The following CHD7 variants were observed in gnomAD, a reference collection of about 807,000 sequenced individuals.
CHD7 encodes the protein chromodomain helicase DNA binding protein 7, also known as ATP-dependent chromatin remodeler CHD7.
In CHD7, 24 loss-of-function variants were observed where a neutral mutation model predicts 307.3. The observed-to-expected ratio is 0.08, with a 90% CI of 0.06 to 0.11. The LOEUF is 0.11. Ranked by LOEUF, CHD7 falls within the 10% of genes least tolerant of loss-of-function variation. CHD7 has a pLI of 1.00. For missense variants in CHD7, 3,106 were observed against 3,727.1 expected, an observed-to-expected ratio of 0.83 and a Z score of 4.34; for synonymous variants, 1,363 against 1,349.9, an observed-to-expected ratio of 1.01 and a Z score of -0.21.
rs778892168 is a variant in CHD7, at chr8:60,853,386, G to A, written c.6661G>A (p.Val2221Ile). ...CTCTGTGAAAAATGAACTGAAAGGT[G>A]TTGAGGTCGGCGCAGACACTGGGTC... is the stretch of plus-strand genomic sequence containing the variant. The part of the protein sequence containing the change: ...ASSVKNELKG[V>I]EVGADTGSKS... Residue 2221 changes from valine to isoleucine, a missense_variant, in exon 31 of 38, where the codon GTT (valine) becomes ATT (isoleucine). Val to Ile is a conservative substitution (Grantham distance 29). This residue lies in a region of CHD7 where 1,030 missense variants were observed against 1,165.4 expected (regional missense o/e 0.88). Coordinates refer to ENST00000423902, the MANE Select transcript of CHD7 (RefSeq NM_017780.4). 12 of 1,543,834 alleles carry A rather than the reference G, an allele frequency of 7.8e-6. No individual in the cohort carries two copies. The highest frequency in any genetic ancestry group is 2.1e-5 in the Admixed American group (1 of 48,294).
chr8:60,691,262 A>T (rs1054944894), intron 1 of CHD7, among the ~76,000 whole-genome samples: 1 of 152,096 alleles, frequency 6.6e-6, no homozygotes, highest in Non-Finnish European at 1.5e-5. Context: ...CAACAATAAT[A>T]GTGTCTTTAT....
At chr8:60,756,097 T>C (rs1349933801) in intron 2 of CHD7, among the ~76,000 whole-genome samples, 2 of 152,256 alleles carry the variant, frequency 1.3e-5, no homozygotes, top group Non-Finnish European at 2.9e-5. Flanking sequence ...ATGAGGCTAG[T>C]GACTTTCATA....
intron 15 of CHD7, among the ~76,000 whole-genome samples, chr8:60,834,435 A>G (rs2150772659): frequency 6.6e-6 from 1 of 152,350 alleles, no homozygotes; most frequent in South Asian, 2.1e-4. Context: ...ACGTGCACTT[A>G]AATCTGTTTC....
At chr8:60,823,210 A>G (rs1466997562) in intron 12 of CHD7, among the ~76,000 whole-genome samples, 1 of 152,228 alleles carries the variant, frequency 6.6e-6, no homozygotes, top group Non-Finnish European at 1.5e-5. Flanking sequence ...TTTGGCTGTT[A>G]GTAGCAATTG....
intron 1 of CHD7, among the ~76,000 whole-genome samples, chr8:60,735,666 A>G (rs1808667505): frequency 6.6e-6 from 1 of 152,248 alleles, no homozygotes; most frequent in African/African-American, 2.4e-5. Flanking sequence ...TTTCATCCCA[A>G]AGGGTAGATA....
intron 35 of CHD7, 110 bp downstream of exon 35, chr8:60,861,235 GTTTCCTGGTCTCAAACA>G (rs1805955287): frequency 1.3e-6 from 1 of 792,710 alleles, no homozygotes; most frequent in Non-Finnish European, 2.0e-6. Flanking sequence ...TTCCTTGAAT[GTTTCCTGGTCTCAAACA>G]TTTCCCAGGT....
intron 1 of CHD7, among the ~76,000 whole-genome samples, chr8:60,713,656 G>C (rs904984662): frequency 1.3e-5 from 2 of 152,152 alleles, no homozygotes; most frequent in African/African-American, 2.4e-5. Context: ...TGTTAAGATT[G>C]TTTGGAGGCC....
chr8:60,856,336 A>G (rs948314950), intron 33 of CHD7, 109 bp from the exon 34 acceptor site: 4 of 1,272,416 alleles, frequency 3.1e-6, no homozygotes, highest in Non-Finnish European at 3.2e-6. Flanking sequence ...TGCACCAGTC[A>G]TGAATGCTTA....
In CHD7 at chr8:60,795,049, A is replaced by C. The variant is rs1434280843; in HGVS notation, c.2160A>C (p.Glu720Asp). Residue 720 changes from glutamate (E) to aspartate (D), a missense_variant, in exon 4 of 38, where the codon GAA becomes GAC. Physicochemically the swap from Glu to Asp is conservative, Grantham distance 45. Coordinates refer to ENST00000423902, the MANE Select transcript of CHD7 (RefSeq NM_017780.4). The part of the protein sequence containing the change: ...LKKKVNKGKT[E>D]GSENSDLDKT... ...AAAAGGTCAACAAGGGAAAAACAGA[A>C]GGTTCTGAAAATTCAGACTTAGACA... The C allele has an allele frequency of 6.2e-7, 1 of 1,613,714 alleles. No individual in the cohort carries two copies. The highest frequency in any genetic ancestry group is 8.5e-7 in the Non-Finnish European group (1 of 1,179,748).
chr8:60,685,442 C>A (rs767274032), intron 1 of CHD7, among the ~76,000 whole-genome samples: 3 of 152,158 alleles, frequency 2.0e-5, no homozygotes, highest in African/African-American at 7.2e-5. Context: ...TTTTGTTCTT[C>A]TGTATGTCCC....
intron 1 of CHD7, among the ~76,000 whole-genome samples, chr8:60,715,992 G>C (rs1586205418): frequency 6.6e-6 from 1 of 152,168 alleles, no homozygotes; most frequent in Non-Finnish European, 1.5e-5. Flanking sequence ...AGATGTTAAA[G>C]TACCTTCCGA....
At chr8:60,705,852 A>G (rs996336711) in intron 1 of CHD7, among the ~76,000 whole-genome samples, 2 of 152,242 alleles carry the variant, frequency 1.3e-5, no homozygotes, top group Admixed American at 1.3e-4. Flanking sequence ...ATATAATAGA[A>G]TAAGTCACAT....
intron 2 of CHD7, among the ~76,000 whole-genome samples, chr8:60,749,370 C>CAAAAAAA (rs55661758): frequency 3.6e-5 from 2 of 56,292 alleles, no homozygotes; most frequent in Non-Finnish European, 5.8e-5. Flanking sequence ...GACTCTGTAT[C>CAAAAAAA]AAAAAAAAAA....
At chr8:60,748,381 T>G (rs1045277510) in intron 2 of CHD7, among the ~76,000 whole-genome samples, 1 of 152,106 alleles carries the variant, frequency 6.6e-6, no homozygotes, top group Non-Finnish European at 1.5e-5. Flanking sequence ...GGAATGTAGG[T>G]CTGGGGCTTA....
rs541974909 is a variant in CHD7, at chr8:60,745,768, CTCT to C, written c.1665+2672_1665+2674del. On this transcript the variant is annotated intron_variant, in intron 2 of 37. Transcript: ENST00000423902. ...AGTTAGAAAGATATGTGGACCCCAGCTCTATTGCTTATTAACCTGGTGATCTTA... is the reference window on the plus strand; with the variant it reads ...AGTTAGAAAGATATGTGGACCCCAGCATTGCTTATTAACCTGGTGATCTTA... Among the ~76,000 whole-genome samples the C allele has an allele frequency of 2.6e-5, 4 of 152,308 alleles. No individual in the cohort carries two copies. The South Asian group carries it at 8.3e-4, about 32-fold the overall frequency.
intron 23 of CHD7, among the ~76,000 whole-genome samples, chr8:60,847,399 C>T (rs1363022403): frequency 3.3e-5 from 5 of 152,222 alleles, no homozygotes; most frequent in Non-Finnish European, 5.9e-5. Context: ...CACTTATCTT[C>T]TGCTACCATC....
At chr8:60,859,215 A>G (rs1322744969) in intron 34 of CHD7, among the ~76,000 whole-genome samples, 1 of 152,332 alleles carries the variant, frequency 6.6e-6, no homozygotes, top group African/African-American at 2.4e-5. Flanking sequence ...GCATGCACAT[A>G]AAATACAAGG....
intron 37 of CHD7, chr8:60,864,688 C>A: frequency 3.6e-6 from 1 of 275,780 alleles, no homozygotes; most frequent in Admixed American, 4.9e-5. Flanking sequence ...TTATCAAAAA[C>A]TAGATCTTAC....
rs768778510 is a variant in CHD7 at position 60,860,963 on chromosome 8, C to T, written c.7668C>T (p.Asn2556=). 1 of 1,614,020 alleles carries T rather than the reference C, an allele frequency of 6.2e-7. No homozygotes were observed. Residue 2556 remains asparagine, a synonymous_variant, in exon 35 of 38, where the codon AAC becomes AAT. Coordinates refer to ENST00000423902, the MANE Select transcript of CHD7 (RefSeq NM_017780.4). ...ATATAGAGACCCCACCAACAAGAAA[C>T]ATTCCTTCTCCCGGACAGCTGGACC... ...EEDIETPPTR[N]IPSPGQLDPD...
Sources: gnomAD v4.1 joint callset for allele counts (sites outside exome capture counted in the v4.1 genomes callset) on GRCh38, gnomAD v4.1.1 for gene constraint, gnomAD v4.1.1 regional missense constraint, MANE v1.5 for transcripts, NCBI Gene and HGNC (gene_info 2026-07-23, HGNC 2026-07-21) for gene names.